FER1L6: variants seen among roughly 807,000 people sequenced by gnomAD.
FER1L6 encodes the protein fer-1 like family member 6, also known as fer-1-like protein 6.
FER1L6 carries 177 observed loss-of-function variants against 219.2 expected under a neutral mutation model. The observed-to-expected ratio is 0.81, with a 90% CI of 0.71 to 0.91. FER1L6 has a LOEUF of 0.91. Ranked by LOEUF, FER1L6 falls within the 40% of genes least tolerant of loss-of-function variation. The pLI is 0.00. For missense variants in FER1L6, 2,153 were observed against 2,259.9 expected, an observed-to-expected ratio of 0.95 and a Z score of 0.96; for synonymous variants, 768 against 824.3, an observed-to-expected ratio of 0.93 and a Z score of 1.17.
chr8:124,079,998 C>T (rs1251209705), intron 32 of FER1L6, among the ~76,000 whole-genome samples: 2 of 152,162 alleles, frequency 1.3e-5, no homozygotes, highest in Non-Finnish European at 2.9e-5. Flanking sequence ...TTCTTATTTG[C>T]CTTCCCCACT....
intron 22 of FER1L6, among the ~76,000 whole-genome samples, chr8:124,056,510 G>C (rs144730485): frequency 6.6e-6 from 1 of 152,088 alleles, no homozygotes; most frequent in African/African-American, 2.4e-5. Flanking sequence ...AGTTCTATTG[G>C]CTTAAAAAAT....
At chr8:123,900,054 G>A (rs991982244) in intron 1 of FER1L6, among the ~76,000 whole-genome samples, 1 of 151,910 alleles carries the variant, frequency 6.6e-6, no homozygotes, top group South Asian at 2.1e-4. Context: ...ATTTTGATGG[G>A]GATTGCATTG....
intron 1 of FER1L6, among the ~76,000 whole-genome samples, chr8:123,892,313 A>G (rs1315495585): frequency 6.6e-6 from 1 of 151,778 alleles, no homozygotes; most frequent in Non-Finnish European, 1.5e-5. Context: ...TCTTTTTGAG[A>G]TGGAGTCTCG....
In FER1L6 at chr8:123,938,234, C is replaced by A. The variant is rs116053462; in HGVS notation, c.-7-17758C>A. ...TAACTCTCACCTAACTATGTTTACA[C>A]GGGGAATACCTCCTTGGTACATGGG... On this transcript the variant is annotated intron_variant, in intron 1 of 40. Coordinates refer to ENST00000522917, the MANE Select transcript of FER1L6 (RefSeq NM_001039112.2). Among the ~76,000 whole-genome samples the A allele has an allele frequency of 2.9e-3, 447 of 152,304 alleles. 4 individuals carry two copies. The highest frequency in any genetic ancestry group is 0.01 in the African/African-American group (417 of 41,554).
chr8:123,960,636 C>A (rs1815229329), intron 2 of FER1L6, among the ~76,000 whole-genome samples: 1 of 152,068 alleles, frequency 6.6e-6, no homozygotes, highest in African/African-American at 2.4e-5. Context: ...TCACAGGCCC[C>A]ACTCCTTCCA....
chr8:123,881,308 G>T (rs1268103887), intron 1 of FER1L6, among the ~76,000 whole-genome samples: 3 of 152,124 alleles, frequency 2.0e-5, no homozygotes. Context: ...GGGTAGGGTA[G>T]AATGGTGGGG....
At chr8:123,882,194 A>T (rs555337324) in intron 1 of FER1L6, among the ~76,000 whole-genome samples, 4 of 151,398 alleles carry the variant, frequency 2.6e-5, no homozygotes, top group Admixed American at 6.6e-5. Flanking sequence ...TTTTTTTTTT[A>T]AATAAAGTCC....
At chr8:123,932,131 T>C (rs1266965489) in intron 1 of FER1L6, among the ~76,000 whole-genome samples, 1 of 152,138 alleles carries the variant, frequency 6.6e-6, no homozygotes, top group Admixed American at 6.6e-5. Context: ...ATTTTTGAGA[T>C]GGAGTCTCGC....
chr8:123,887,062 A>G (rs1205755245), intron 1 of FER1L6, among the ~76,000 whole-genome samples: 1 of 152,266 alleles, frequency 6.6e-6, no homozygotes, highest in South Asian at 2.1e-4. Flanking sequence ...CATCCATACA[A>G]TGAGACACCA....
chr8:123,997,018 T>C (rs1169481253), intron 12 of FER1L6, among the ~76,000 whole-genome samples: 1 of 152,166 alleles, frequency 6.6e-6, no homozygotes, highest in African/African-American at 2.4e-5. Context: ...TTTAGTTTTC[T>C]ACTAAAGATA....
At chr8:123,933,097 G>T (rs1284012593) in intron 1 of FER1L6, among the ~76,000 whole-genome samples, 2 of 152,168 alleles carry the variant, frequency 1.3e-5, no homozygotes, top group African/African-American at 4.8e-5. Flanking sequence ...TTTTTCTGAG[G>T]AAGAGGAGCA....
chr8:123,959,905 G>T (rs1349482980), intron 2 of FER1L6, among the ~76,000 whole-genome samples: 2 of 152,124 alleles, frequency 1.3e-5, no homozygotes, highest in Non-Finnish European at 2.9e-5. Context: ...AAAGGATTCT[G>T]TTGCTTTAAC....
At chr8:123,929,281 G>A (rs896998450) in intron 1 of FER1L6, among the ~76,000 whole-genome samples, 3 of 152,190 alleles carry the variant, frequency 2.0e-5, no homozygotes, top group African/African-American at 4.8e-5. Flanking sequence ...GCTTTCGTTT[G>A]GTGCTCTGGA....
intron 31 of FER1L6, among the ~76,000 whole-genome samples, chr8:124,075,460 C>T (rs900712068): frequency 2.6e-5 from 4 of 152,150 alleles, no homozygotes; most frequent in Non-Finnish European, 5.9e-5. Context: ...GCTGTCATCA[C>T]TTATAATAAC....
chr8:124,099,903 C>G lies in FER1L6; in HGVS notation c.4884-1194C>G, dbSNP rs184186341. ...TTCCACGGGGCCTTTGCACATCTCT[C>G]TCTAGTGACTTCTGCCACTCACTCA... is the stretch of plus-strand genomic sequence containing the variant. On this transcript the variant is annotated intron_variant, in intron 37 of 40. Transcript: ENST00000522917. 1.9e-3 allele frequency among the ~76,000 whole-genome samples: 294 copies of G among 152,284 alleles called. 3 individuals carry two copies. Among genetic ancestry groups the G allele is most frequent in the African/African-American group, 6.8e-3 (284 of 41,540 alleles).
At chr8:123,933,049 C>G (rs4285467) in intron 1 of FER1L6, among the ~76,000 whole-genome samples, 30,547 of 152,150 alleles carry the variant, frequency 0.2, 3,883 homozygotes, top group East Asian at 0.44. Context: ...TGAATCAGTG[C>G]CTTCCCCTGA....
At chr8:124,085,592 T>C (rs574769933) in intron 33 of FER1L6, among the ~76,000 whole-genome samples, 1 of 150,058 alleles carries the variant, frequency 6.7e-6, no homozygotes, top group African/African-American at 2.4e-5. Context: ...AGATACTTAA[T>C]ATAATTTCAA....
intron 1 of FER1L6, among the ~76,000 whole-genome samples, chr8:123,885,767 G>C (rs1290388235): frequency 2.0e-5 from 3 of 152,174 alleles, no homozygotes; most frequent in Admixed American, 6.5e-5. Context: ...GGAGACCTGG[G>C]TTCTGGCAGT....
In FER1L6 at chr8:123,853,485, G is replaced by A. The variant is rs1348376645; in HGVS notation, c.-8+1300G>A. The stretch of plus-strand genomic sequence containing the variant: ...TAGAAGAAATCATTTTTATTCAACA[G>A]TTCTTAGAAAGGTCTTAATGAGGAA... On this transcript the variant is annotated intron_variant, in intron 1 of 40. Transcript: ENST00000522917. This position sits in a 1 kb window ranked among gnomAD's most constrained non-coding sequence, Gnocchi z 6.6. 6.6e-6 allele frequency among the ~76,000 whole-genome samples: 1 copy of A among 152,170 alleles called. No homozygotes were observed. Among genetic ancestry groups the A allele is most frequent in the Non-Finnish European group, 1.5e-5 (1 of 68,024 alleles).
Sources: gnomAD v4.1 joint callset for allele counts (sites outside exome capture counted in the v4.1 genomes callset) on GRCh38, gnomAD v4.1.1 for gene constraint, Gnocchi (gnomAD v3.1) non-coding constraint, MANE v1.5 for transcripts, NCBI Gene and HGNC (gene_info 2026-07-23, HGNC 2026-07-21) for gene names.